CHODL: variants seen among roughly 807,000 people sequenced by gnomAD.
The protein encoded by CHODL is transmembrane protein MT75.
CHODL carries 29 observed loss-of-function variants against 34.5 expected under a neutral mutation model. The ratio of observed to expected loss-of-function variants is 0.84; its 90% CI spans 0.63 to 1.15. The LOEUF is 1.15. CHODL is among the 50% of genes most tolerant of loss of function. CHODL has a pLI of 0.00. For synonymous variants in CHODL, 125 were observed against 116.1 expected (o/e 1.08, Z -0.49); for missense variants, 332 against 332.5 (o/e 1.00, Z 0.01).
chr21:18,064,689 A>T (rs1568867735), intron 2 of CHODL, among the ~76,000 whole-genome samples: 1 of 152,126 alleles, frequency 6.6e-6, no homozygotes, highest in Non-Finnish European at 1.5e-5. Context: ...TGCCAACTAC[A>T]GATTTTGTGA....
rs189331705 is a variant in CHODL, at chr21:17,963,050, C to T, written c.-145+45650C>T. ...CTGCACTCCAGCCTGAGTGAAAGAG[C>T]GAGACTATGTCTCAAAAAAAAAAAA... On this transcript the variant is annotated intron_variant, in intron 1 of 6. Coordinates refer to the CHODL transcript ENST00000400127. Among the ~76,000 whole-genome samples the T allele has an allele frequency of 1.7e-3, 214 of 126,554 alleles. 2 individuals carry two copies. The highest frequency in any genetic ancestry group is 6.4e-3 in the African/African-American group (205 of 31,994). 83.0% of individuals were successfully genotyped at this position (126,554 alleles called of 152,430 possible).
chr21:17,983,065 A>C (rs1266654602), intron 1 of CHODL, among the ~76,000 whole-genome samples: 2 of 152,026 alleles, frequency 1.3e-5, no homozygotes, highest in Non-Finnish European at 2.9e-5. Context: ...CTTAAATGTA[A>C]TCATAATATC....
chr21:18,137,317 C>T (rs1055062749), intron 2 of CHODL, among the ~76,000 whole-genome samples: 1 of 151,884 alleles, frequency 6.6e-6, no homozygotes, highest in African/African-American at 2.4e-5. Flanking sequence ...TTTTATGATC[C>T]TTCTTCAAAG....
chr21:18,173,732 G>A lies in CHODL; in HGVS notation c.-44-82777G>A, dbSNP rs373557708. Reference sequence around the variant, plus strand: ...CAATGTAAATATATTTTCTTGCTACGGGATGAGAAAATATTTATATTGTTA... The same window carrying A: ...CAATGTAAATATATTTTCTTGCTACAGGATGAGAAAATATTTATATTGTTA... On this transcript the variant is annotated intron_variant, in intron 2 of 6. Coordinates refer to the CHODL transcript ENST00000400127. Among the ~76,000 whole-genome samples the A allele has an allele frequency of 2.2e-4, 34 of 151,896 alleles. No individual in the cohort carries two copies. In the East Asian group the frequency reaches 3.1e-3, roughly 14 times the overall value.
intron 1 of CHODL, among the ~76,000 whole-genome samples, chr21:17,934,169 A>C (rs1355917541): frequency 6.6e-6 from 1 of 151,946 alleles, no homozygotes; most frequent in Non-Finnish European, 1.5e-5. Flanking sequence ...AGAAGCCCAA[A>C]CCCCACCACT....
At chr21:18,171,773 T>C (rs954597229) in intron 2 of CHODL, among the ~76,000 whole-genome samples, 22 of 151,914 alleles carry the variant, frequency 1.4e-4, no homozygotes, top group Non-Finnish European at 7.4e-5. Flanking sequence ...TTGTAGTTGC[T>C]GCTGCTGTTG....
At chr21:17,965,609 ATTTGT>A (rs1205674019) in intron 1 of CHODL, among the ~76,000 whole-genome samples, 4 of 152,194 alleles carry the variant, frequency 2.6e-5, no homozygotes, top group Middle Eastern at 6.8e-3. Flanking sequence ...CTTATAATGC[ATTTGT>A]TTTAATTCTT....
At chr21:18,126,357 TA>T (rs1238621829) in intron 2 of CHODL, among the ~76,000 whole-genome samples, 5 of 152,222 alleles carry the variant, frequency 3.3e-5, no homozygotes, top group Admixed American at 6.5e-5. Flanking sequence ...GCATACTTAA[TA>T]GACTATAGTG....
At chr21:18,097,303 A>C (rs1266726440) in intron 2 of CHODL, among the ~76,000 whole-genome samples, 1 of 152,110 alleles carries the variant, frequency 6.6e-6, no homozygotes, top group Non-Finnish European at 1.5e-5. Context: ...CAGATGATAT[A>C]ATCTTATATT....
At chr21:18,134,009 A>G (rs205699) in intron 2 of CHODL, among the ~76,000 whole-genome samples, 4,248 of 152,216 alleles carry the variant, frequency 0.028, 123 homozygotes, top group African/African-American at 0.073. Flanking sequence ...TCTCTCTATC[A>G]TCTATCTATC....
intron 2 of CHODL, among the ~76,000 whole-genome samples, chr21:18,181,389 T>A (rs190989250): frequency 6.0e-4 from 91 of 152,264 alleles, no homozygotes; most frequent in African/African-American, 2.1e-3. Flanking sequence ...TATTAATCAC[T>A]TTTTTGTTTG....
chr21:18,089,673 G>C (rs1234901440), intron 2 of CHODL, among the ~76,000 whole-genome samples: 1 of 152,128 alleles, frequency 6.6e-6, no homozygotes, highest in African/African-American at 2.4e-5. Flanking sequence ...CAAGACTACA[G>C]ATTGAGCTCA....
At chr21:17,965,253 A>G (rs1165544759) in intron 1 of CHODL, among the ~76,000 whole-genome samples, 1 of 152,220 alleles carries the variant, frequency 6.6e-6, no homozygotes, top group Non-Finnish European at 1.5e-5. Context: ...TCCCTACATT[A>G]TAAGCCTCTA....
At chr21:18,050,660 T>G (rs2064502411) in intron 2 of CHODL, among the ~76,000 whole-genome samples, 1 of 151,908 alleles carries the variant, frequency 6.6e-6, no homozygotes, top group African/African-American at 2.4e-5. Flanking sequence ...ATGTTAGTGC[T>G]AGTGTGAAGG....
chr21:17,955,092 G>C (rs1368547330), intron 1 of CHODL, among the ~76,000 whole-genome samples: 1 of 134,986 alleles, frequency 7.4e-6, no homozygotes, highest in East Asian at 2.2e-4. Flanking sequence ...TGTCTGGTGA[G>C]AGCATGTCCA....
intron 2 of CHODL, among the ~76,000 whole-genome samples, chr21:18,231,517 C>T (rs994829773): frequency 3.3e-5 from 5 of 150,980 alleles, no homozygotes; most frequent in Middle Eastern, 3.4e-3. Flanking sequence ...ACTGGCCATT[C>T]AAATATCCAG....
chr21:18,082,120 A>C (rs553504415), intron 2 of CHODL, among the ~76,000 whole-genome samples: 1 of 152,286 alleles, frequency 6.6e-6, no homozygotes, highest in South Asian at 2.1e-4. Context: ...TCGTGGGAGC[A>C]GACTTCTCCT....
chr21:17,976,270 G>T lies in CHODL; in HGVS notation c.-144-51602G>T, dbSNP rs1306042325. On this transcript the variant is annotated intron_variant, in intron 1 of 6. Transcript: ENST00000400127. ...TGGGTGACACAGTGAGACCATCTCA[G>T]AAAAAAAAAAAAAAAAAAAAAAAAA... 1.2e-4 allele frequency among the ~76,000 whole-genome samples: 8 copies of T among 66,524 alleles called. No individual in the cohort carries two copies. In the South Asian group the frequency reaches 5.3e-3, roughly 44 times the overall value. 43.6% of individuals were successfully genotyped at this position (66,524 alleles called of 152,430 possible). A position where few individuals can be genotyped will look rare whatever the true frequency, so the allele number is the denominator to read the frequency against.
intron 2 of CHODL, among the ~76,000 whole-genome samples, chr21:18,126,040 T>C (rs758526351): frequency 6.6e-6 from 1 of 152,192 alleles, no homozygotes; most frequent in Non-Finnish European, 1.5e-5. Flanking sequence ...CAACAGTCTA[T>C]AGTCCCAGCT....
Sources: gnomAD v4.1 joint callset for allele counts (sites outside exome capture counted in the v4.1 genomes callset) on GRCh38, gnomAD v4.1.1 for gene constraint, MANE v1.5 for transcripts, NCBI Gene and HGNC (gene_info 2026-07-23, HGNC 2026-07-21) for gene names.